ACER3: variants seen among roughly 807,000 people sequenced by gnomAD.
ACER3 encodes alkCDase 3.
In ACER3, 16 loss-of-function variants were observed where a neutral mutation model predicts 48.9. That is an observed-to-expected ratio of 0.33 (90% CI 0.22 to 0.50). ACER3 has a LOEUF of 0.50. Ranked by LOEUF, ACER3 falls within the 20% of genes least tolerant of loss-of-function variation. The pLI is 0.98. For missense variants in ACER3, 227 were observed against 326.0 expected (o/e 0.70, Z 2.34); for synonymous variants, 109 against 107.8 (o/e 1.01, Z -0.07).
At chr11:76,961,144 A>G (rs1180143567) in intron 3 of ACER3, among the ~76,000 whole-genome samples, 1 of 152,188 alleles carries the variant, frequency 6.6e-6, no homozygotes, top group Admixed American at 6.5e-5. Context: ...ATACAGGGTA[A>G]TTAATCAAAT....
At chr11:76,959,262 C>T (rs1947922957) in intron 3 of ACER3, 1 of 1,352,934 alleles carries the variant, frequency 7.4e-7, no homozygotes, top group Non-Finnish European at 9.5e-7. Flanking sequence ...TCTGTGCGGG[C>T]ATATAAAATT....
intron 1 of ACER3, among the ~76,000 whole-genome samples, chr11:76,905,524 CT>C (rs1946206847): frequency 6.6e-6 from 1 of 152,096 alleles, no homozygotes; most frequent in South Asian, 2.1e-4. Context: ...CCATTTCTTT[CT>C]TTTTTTCTTT....
chr11:76,925,274 A>C (rs939794090), intron 1 of ACER3, among the ~76,000 whole-genome samples: 4 of 152,166 alleles, frequency 2.6e-5, no homozygotes, highest in African/African-American at 7.2e-5. Context: ...TATTTTACAG[A>C]TATACCTGCA....
rs1006632621 is a variant in ACER3 at position 76,906,802 on chromosome 11, C to A, written c.104-19755C>A. Among the ~76,000 whole-genome samples, 7 of 151,990 alleles carry A rather than the reference C, an allele frequency of 4.6e-5. No homozygotes were observed. The South Asian group carries it at 8.3e-4, about 18-fold the overall frequency. Reference sequence around the variant, plus strand: ...TCTTGAACTCCTGAGCTCAAGCAGTCCCCCCACCTTGGCCTCCCAAAGTGT... The same window carrying A: ...TCTTGAACTCCTGAGCTCAAGCAGTACCCCCACCTTGGCCTCCCAAAGTGT... On this transcript the variant is annotated intron_variant, in intron 1 of 10. Coordinates refer to ENST00000532485, the MANE Select transcript of ACER3 (RefSeq NM_018367.7).
intron 1 of ACER3, among the ~76,000 whole-genome samples, chr11:76,891,086 T>C (rs2134620990): frequency 6.6e-6 from 1 of 151,112 alleles, no homozygotes; most frequent in South Asian, 2.1e-4. Flanking sequence ...ACCACTGCAC[T>C]CCAGCCTGGG....
chr11:77,017,940 C>CTTTT (rs71043531), intron 9 of ACER3, among the ~76,000 whole-genome samples: 3 of 75,734 alleles, frequency 4.0e-5, no homozygotes, highest in Admixed American at 2.0e-4. Context: ...GATCAGTGAT[C>CTTTT]TTTTTTTTTT....
intron 2 of ACER3, among the ~76,000 whole-genome samples, chr11:76,929,323 CTT>C (rs1241268668): frequency 6.6e-6 from 1 of 152,162 alleles, no homozygotes; most frequent in Non-Finnish European, 1.5e-5. Context: ...TATCCTGAGA[CTT>C]TGCTGAAGTT....
intron 1 of ACER3, among the ~76,000 whole-genome samples, chr11:76,907,921 T>C (rs1295660800): frequency 6.6e-6 from 1 of 150,616 alleles, no homozygotes; most frequent in African/African-American, 2.4e-5. Context: ...ATAAAGCTAT[T>C]GTTGCTTGTC....
intron 3 of ACER3, among the ~76,000 whole-genome samples, chr11:76,969,396 G>A (rs867401468): frequency 0.016 from 2,444 of 152,154 alleles, 73 homozygotes; most frequent in African/African-American, 0.057. Context: ...GCGATTCCTC[G>A]AGGATCTAGA....
At chr11:77,015,348 G>A (rs374802237) in intron 8 of ACER3, 5 of 375,494 alleles carry the variant, frequency 1.3e-5, no homozygotes, top group East Asian at 1.1e-4. Flanking sequence ...GGTTTTGTGT[G>A]TGTGGGCATC....
intron 1 of ACER3, among the ~76,000 whole-genome samples, chr11:76,877,850 A>G (rs775699744): frequency 6.6e-6 from 1 of 152,076 alleles, no homozygotes; most frequent in Non-Finnish European, 1.5e-5. Flanking sequence ...TGCATTCCTA[A>G]AAATAAACTG....
chr11:77,011,214 G>C, intron 7 of ACER3: 2 of 370,298 alleles, frequency 5.4e-6, no homozygotes, highest in Non-Finnish European at 7.5e-6. Context: ...TCTTGCACCT[G>C]ATACTATATG....
In ACER3 at chr11:76,958,976, C is replaced by G; in HGVS notation, c.215-3C>G. ...TAATTTTTTTTCATTTGTTTAATTTCAGTGGTAGGAATGGGATCCTGGTGC... is the reference window on the plus strand; with the variant it reads ...TAATTTTTTTTCATTTGTTTAATTTGAGTGGTAGGAATGGGATCCTGGTGC... On this transcript the variant is annotated splice_region_variant and splice_polypyrimidine_tract_variant and intron_variant, in intron 2 of 10. Transcript: ENST00000532485. The G allele has an allele frequency of 6.2e-7, 1 of 1,613,942 alleles. No individual in the cohort carries two copies. Among genetic ancestry groups the G allele is most frequent in the Non-Finnish European group, 8.5e-7 (1 of 1,179,958 alleles).
At chr11:76,870,334 A>G (rs762614391) in intron 1 of ACER3, among the ~76,000 whole-genome samples, 14 of 151,142 alleles carry the variant, frequency 9.3e-5, no homozygotes, top group Non-Finnish European at 2.1e-4. Context: ...AGGTCTCACT[A>G]TGTTGCCCAG....
At chr11:76,908,991 G>C (rs1206155394) in intron 1 of ACER3, among the ~76,000 whole-genome samples, 1 of 152,096 alleles carries the variant, frequency 6.6e-6, no homozygotes, top group Non-Finnish European at 1.5e-5. Flanking sequence ...TCTGATCTTT[G>C]ACAAACCTGA....
intron 6 of ACER3, among the ~76,000 whole-genome samples, chr11:76,993,613 T>G (rs949823319): frequency 6.6e-6 from 1 of 152,190 alleles, no homozygotes; most frequent in South Asian, 2.1e-4. Flanking sequence ...GTAAAGGCTA[T>G]TCCATCTATA....
intron 3 of ACER3, among the ~76,000 whole-genome samples, chr11:76,974,127 G>C (rs1183677699): frequency 6.6e-6 from 1 of 152,134 alleles, no homozygotes; most frequent in African/African-American, 2.4e-5. Flanking sequence ...CTGTACATTT[G>C]TAGTAAGTCT....
intron 10 of ACER3, 45 bp from the exon 11 acceptor site, chr11:77,020,229 A>G (rs782714840): frequency 1.3e-6 from 2 of 1,592,050 alleles, no homozygotes; most frequent in Non-Finnish European, 8.6e-7. Flanking sequence ...ATAACATGGA[A>G]CAATTCTGTC....
intron 3 of ACER3, among the ~76,000 whole-genome samples, chr11:76,974,986 A>T (rs879162071): frequency 6.6e-6 from 1 of 152,244 alleles, no homozygotes; most frequent in Non-Finnish European, 1.5e-5. Flanking sequence ...CAAACAAAAA[A>T]ATTAATGACT....
Sources: gnomAD v4.1 joint callset for allele counts (sites outside exome capture counted in the v4.1 genomes callset) on GRCh38, gnomAD v4.1.1 for gene constraint, MANE v1.5 for transcripts, NCBI Gene and HGNC (gene_info 2026-07-23, HGNC 2026-07-21) for gene names.